GRID1: variants seen among roughly 807,000 people sequenced by gnomAD.
GRID1 encodes the protein glutamate ionotropic receptor delta type subunit 1, also known as glutamate receptor ionotropic, delta-1.
Under a neutral mutation model 98.0 loss-of-function variants are expected in GRID1, and 28 were observed. That is an observed-to-expected ratio of 0.29 (90% CI 0.21 to 0.39). The LOEUF (loss-of-function observed/expected upper bound fraction) is 0.39. Among genes scored for constraint, GRID1 ranks in the 10% least tolerant of loss-of-function variants. The probability of loss-of-function intolerance (pLI) is 1.00; values close to 1 mark genes in which losing one functional copy is unlikely to be tolerated. For synonymous variants in GRID1, 553 were observed against 538.5 expected, an observed-to-expected ratio of 1.03 and a Z score of -0.37; for missense variants, 1,111 against 1,340.5, an observed-to-expected ratio of 0.83 and a Z score of 2.67.
intron 14 of GRID1, among the ~76,000 whole-genome samples, chr10:85,617,234 C>CG (rs940876777): frequency 2.8e-5 from 4 of 142,200 alleles, no homozygotes; most frequent in Admixed American, 1.4e-4. Context: ...AGCCCCCCCC[C>CG]CCTTTTATTT....
intron 8 of GRID1, among the ~76,000 whole-genome samples, chr10:85,764,826 G>T (rs1842182232): frequency 6.6e-6 from 1 of 152,068 alleles, no homozygotes; most frequent in Admixed American, 6.5e-5. Flanking sequence ...CACAATTCAA[G>T]GAAAAGAGAA....
At chr10:86,302,342 G>A (rs188499904) in intron 2 of GRID1, among the ~76,000 whole-genome samples, 77 of 152,314 alleles carry the variant, frequency 5.1e-4, no homozygotes, top group Middle Eastern at 3.4e-3. Context: ...GATGAGCCTC[G>A]GAGGTTTGAG....
chr10:85,629,550 A>G (rs76969729), intron 13 of GRID1, among the ~76,000 whole-genome samples: 20,187 of 152,256 alleles, frequency 0.13, 1,506 homozygotes, highest in Middle Eastern at 0.25. Context: ...ACGATACTGC[A>G]AAAGACATTA....
At chr10:85,604,197 C>G (rs1173042273) in intron 15 of GRID1, among the ~76,000 whole-genome samples, 2 of 152,186 alleles carry the variant, frequency 1.3e-5, no homozygotes, top group Non-Finnish European at 2.9e-5. Flanking sequence ...GAAGGTGGGA[C>G]CACTGCTCTC....
chr10:86,332,198 G>C (rs1361916770), intron 2 of GRID1, among the ~76,000 whole-genome samples: 5 of 152,216 alleles, frequency 3.3e-5, no homozygotes, highest in Non-Finnish European at 7.4e-5. Flanking sequence ...GGCTGGATTG[G>C]CTTCCTAACA....
At chr10:85,721,137 C>T (rs2132648265) in intron 12 of GRID1, among the ~76,000 whole-genome samples, 1 of 152,268 alleles carries the variant, frequency 6.6e-6, no homozygotes, top group South Asian at 2.1e-4. Context: ...AATAAAACCA[C>T]AATGAAGTAT....
chr10:85,607,355 G>A (rs1194540475), intron 15 of GRID1: 1 of 152,136 alleles, frequency 6.6e-6, no homozygotes, highest in East Asian at 1.9e-4. Context: ...GACTGAGCTG[G>A]CTGTTGGTGG....
At chr10:85,820,420 T>C (rs77736589) in intron 8 of GRID1, among the ~76,000 whole-genome samples, 13,006 of 152,276 alleles carry the variant, frequency 0.085, 712 homozygotes, top group Middle Eastern at 0.17. Context: ...TTACTTCATA[T>C]GTCTAGTGTT....
intron 5 of GRID1, among the ~76,000 whole-genome samples, chr10:85,890,656 C>T (rs11201824): frequency 0.028 from 4,250 of 152,190 alleles, 92 homozygotes; most frequent in Middle Eastern, 0.051. Flanking sequence ...CCAGCTCTTC[C>T]ACGGTGAGGT....
intron 8 of GRID1, among the ~76,000 whole-genome samples, chr10:85,775,839 G>A (rs557642663): frequency 6.6e-6 from 1 of 152,316 alleles, no homozygotes; most frequent in East Asian, 1.9e-4. Context: ...CAGGGTGGAA[G>A]TGAGGACTAA....
At chr10:86,212,639 C>T (rs992681560) in intron 2 of GRID1, among the ~76,000 whole-genome samples, 11 of 152,234 alleles carry the variant, frequency 7.2e-5, no homozygotes, top group African/African-American at 2.7e-4. Context: ...ATAATCTTAA[C>T]CTCCACGAGC....
chr10:85,669,330 TA>T (rs1380981328), intron 12 of GRID1, among the ~76,000 whole-genome samples: 1 of 152,106 alleles, frequency 6.6e-6, no homozygotes, highest in Non-Finnish European at 1.5e-5. Context: ...CATCTCTTCA[TA>T]ATCACCACCT....
At chr10:86,164,510 C>G (rs1474229836) in intron 3 of GRID1, among the ~76,000 whole-genome samples, 1 of 152,222 alleles carries the variant, frequency 6.6e-6, no homozygotes, top group Non-Finnish European at 1.5e-5. Flanking sequence ...CTTAGAGGGA[C>G]AGTCCCTGCC....
At chr10:85,737,516 A>C (rs1360798876) in intron 8 of GRID1, among the ~76,000 whole-genome samples, 1 of 151,730 alleles carries the variant, frequency 6.6e-6, no homozygotes, top group Non-Finnish European at 1.5e-5. Flanking sequence ...AGGACTGACC[A>C]ACTCCAATAA....
intron 4 of GRID1, among the ~76,000 whole-genome samples, chr10:86,082,808 G>A (rs1843995972): frequency 6.6e-6 from 1 of 152,162 alleles, no homozygotes; most frequent in Non-Finnish European, 1.5e-5. Flanking sequence ...TGTCCCCTCT[G>A]CCTGCACTGT....
chr10:86,359,680 T>C (rs1459472777), intron 2 of GRID1, among the ~76,000 whole-genome samples: 1 of 152,214 alleles, frequency 6.6e-6, no homozygotes, highest in Non-Finnish European at 1.5e-5. Context: ...ATCTAATAAC[T>C]CTCGTCTTTT....
At chr10:85,774,594 T>C (rs1054976150) in intron 8 of GRID1, among the ~76,000 whole-genome samples, 1 of 152,014 alleles carries the variant, frequency 6.6e-6, no homozygotes, top group Non-Finnish European at 1.5e-5. Context: ...AGGGCTAATA[T>C]CCAGAATCTA....
chr10:86,357,680 T>A (rs1335798982), intron 2 of GRID1, among the ~76,000 whole-genome samples: 1 of 151,854 alleles, frequency 6.6e-6, no homozygotes, highest in Non-Finnish European at 1.5e-5. Context: ...TGCACAGGAG[T>A]GACTCCAGAA....
chr10:86,096,897 G>A (rs112376182), intron 4 of GRID1, among the ~76,000 whole-genome samples: 42 of 152,308 alleles, frequency 2.8e-4, no homozygotes, highest in African/African-American at 9.6e-4. Flanking sequence ...ATCAAGGGAT[G>A]GAAATGGGAG....
Sources: allele counts gnomAD v4.1 joint callset (sites outside exome capture counted in the v4.1 genomes callset), GRCh38; gene constraint gnomAD v4.1.1; transcripts MANE v1.5; gene names NCBI Gene and HGNC (gene_info 2026-07-23, HGNC 2026-07-21).